The following ZNF536 variants were observed in gnomAD, a reference collection of about 807,000 sequenced individuals.
ZNF536 encodes zinc finger protein 536.
Under a neutral mutation model 84.5 loss-of-function variants are expected in ZNF536, and 13 were observed. The ratio of observed to expected loss-of-function variants is 0.15; its 90% CI spans 0.10 to 0.24. The LOEUF (loss-of-function observed/expected upper bound fraction) is 0.24, where lower values mean the gene tolerates loss of function less well. Among genes scored for constraint, ZNF536 ranks in the 10% least tolerant of loss-of-function variants. The pLI, the probability that ZNF536 is intolerant of heterozygous loss-of-function variation, is 1.00. For synonymous variants in ZNF536, 811 were observed against 742.5 expected (o/e 1.09, Z -1.50); for missense variants, 1,536 against 1,747.5 (o/e 0.88, Z 2.16).
chr19:30,522,940 G>A (rs1051437921), intron 2 of ZNF536, among the ~76,000 whole-genome samples: 11 of 152,128 alleles, frequency 7.2e-5, no homozygotes, highest in Non-Finnish European at 1.3e-4. Flanking sequence ...ACGACCTGCC[G>A]CTTCATCTGT....
intron 2 of ZNF536, among the ~76,000 whole-genome samples, chr19:30,461,651 C>CA (rs770171404): frequency 2.2e-4 from 34 of 152,302 alleles, no homozygotes; most frequent in Non-Finnish European, 4.4e-4. Context: ...TCTGAGGCCC[C>CA]AGGAGCATGG....
At position 30,469,933 on chromosome 19, in the gene ZNF536, A is replaced by G. The variant is rs111558760; in HGVS notation, c.2170+24201A>G. On this transcript the variant is annotated intron_variant, in intron 2 of 4. Transcript: ENST00000355537. ...CATGCTATTCACTGCTAGAAACATA[A>G]TATTTAGCTGACGGCAAGGAAGCCA... is the stretch of plus-strand genomic sequence containing the variant. Among the ~76,000 whole-genome samples, 384 of 152,332 alleles carry G rather than the reference A, an allele frequency of 2.5e-3. 1 individual carries two copies. Among genetic ancestry groups the G allele is most frequent in the African/African-American group, 9.0e-3 (373 of 41,576 alleles).
At position 30,548,374 on chromosome 19, in the gene ZNF536, C is replaced by T. The variant is rs199947192; in HGVS notation, c.2755C>T (p.Gln919Ter). The change falls in exon 4 of 5, where the codon CAA (glutamine) becomes TAA (stop). Residue 919 changes from glutamine to a stop codon, truncating the protein, a stop_gained. Coordinates refer to ENST00000355537, the MANE Select transcript of ZNF536 (RefSeq NM_014717.3). LOFTEE classifies it high-confidence loss of function. ...CGGTGTGAATTTCCAAGGGTCCTTG[C>T]AAGCTTTCATGGACAGTTTTGTCCT... is the stretch of plus-strand genomic sequence containing the variant. ...SNGVNFQGSL[Q>*]AFMDSFVLSS... 1 of 1,614,120 alleles carries T rather than the reference C, an allele frequency of 6.2e-7. No individual in the cohort carries two copies. Among genetic ancestry groups the T allele is most frequent in the Non-Finnish European group, 8.5e-7 (1 of 1,180,010 alleles).
chr19:30,417,250 G>T (rs144621649), intron 1 of ZNF536, among the ~76,000 whole-genome samples: 1 of 149,026 alleles, frequency 6.7e-6, no homozygotes. Context: ...GCCTGCCTTG[G>T]CCTCCCAAAG....
intron 1 of ZNF536, among the ~76,000 whole-genome samples, chr19:30,669,452 G>C (rs111864337): frequency 2.3e-4 from 35 of 152,322 alleles, no homozygotes; most frequent in African/African-American, 8.2e-4. Flanking sequence ...CAGCCTCGGT[G>C]TCCAGCCTGA....
At chr19:30,562,895 G>A (rs1393683615), downstream of ZNF536, among the ~76,000 whole-genome samples, 1 of 152,092 alleles carries the variant, frequency 6.6e-6, no homozygotes, top group Non-Finnish European at 1.5e-5. Flanking sequence ...GGGGTAGTTT[G>A]GAACAGTATG....
At chr19:30,690,189 T>G (rs1248379745) in intron 1 of ZNF536, among the ~76,000 whole-genome samples, 1 of 152,204 alleles carries the variant, frequency 6.6e-6, no homozygotes, top group African/African-American at 2.4e-5. Context: ...TTGTTAGGTA[T>G]CAATGGGGAA....
At chr19:30,390,165 G>A (rs751645507) in intron 1 of ZNF536, among the ~76,000 whole-genome samples, 7 of 152,166 alleles carry the variant, frequency 4.6e-5, no homozygotes, top group Non-Finnish European at 7.4e-5. Context: ...GTTAGCTGCA[G>A]GGGGGTTAAG....
intron 1 of ZNF536, among the ~76,000 whole-genome samples, chr19:30,670,787 G>T (rs1296969509): frequency 6.6e-6 from 1 of 152,172 alleles, no homozygotes; most frequent in Non-Finnish European, 1.5e-5. Flanking sequence ...AGCCATTCCC[G>T]GGTCCATCCC....
chr19:30,233,891 A>C (rs1238062554), intron 1 of ZNF536, among the ~76,000 whole-genome samples: 3 of 152,162 alleles, frequency 2.0e-5, no homozygotes, highest in Non-Finnish European at 4.4e-5. Context: ...GGCCAGATTT[A>C]CAGCAGGACC....
intron 2 of ZNF536, among the ~76,000 whole-genome samples, chr19:30,284,580 C>T (rs990130309): frequency 5.3e-5 from 8 of 152,216 alleles, no homozygotes; most frequent in Non-Finnish European, 7.3e-5. Flanking sequence ...AAAGCTGCTC[C>T]GTGTTTGTCA....
rs369937947 is a variant in ZNF536, at chr19:30,319,800, A to G, written c.-119-32568A>G. 1.8e-3 allele frequency among the ~76,000 whole-genome samples: 273 copies of G among 152,380 alleles called. 4 individuals carry two copies. Among genetic ancestry groups the G allele is most frequent in the South Asian group, 0.017 (81 of 4,826 alleles). Reference sequence around the variant, plus strand: ...GTATATTTGGAACGAGCTAATAAACATTAATCAATATCATCAGCTGTATTT... The same window carrying G: ...GTATATTTGGAACGAGCTAATAAACGTTAATCAATATCATCAGCTGTATTT... On this transcript the variant is annotated intron_variant, in intron 2 of 5. Coordinates refer to the ZNF536 transcript ENST00000585628.
intron 1 of ZNF536, among the ~76,000 whole-genome samples, chr19:30,591,392 A>G (rs1199075466): frequency 6.6e-6 from 1 of 152,198 alleles, no homozygotes; most frequent in Non-Finnish European, 1.5e-5. Context: ...AGGCCTCACA[A>G]TCATGGCAGA....
At chr19:30,578,743 G>T (rs1210126580) in intron 1 of ZNF536, among the ~76,000 whole-genome samples, 1 of 152,206 alleles carries the variant, frequency 6.6e-6, no homozygotes, top group Non-Finnish European at 1.5e-5. Flanking sequence ...ACAACTTGAG[G>T]CCCGACACTG....
At chr19:30,527,429 C>T (rs1157331504) in intron 2 of ZNF536, among the ~76,000 whole-genome samples, 4 of 151,656 alleles carry the variant, frequency 2.6e-5, no homozygotes, top group African/African-American at 4.8e-5. Flanking sequence ...CAATCCCGAC[C>T]CCGTTGGTAA....
chr19:30,444,753 C>T lies in ZNF536; in HGVS notation c.1191C>T (p.Asn397=), dbSNP rs772800112. ...AGAACCACATGAAGGTCCACCTCAA[C>T]AAGCTGTCGGTGAAGAACAAGTCCC... The part of the protein sequence containing the change: ...FLKNHMKVHL[N]KLSVKNKSPS... Residue 397 remains asparagine (N), a synonymous_variant, in exon 2 of 5, where the codon AAC becomes AAT. Transcript: ENST00000355537. 6.2e-7 allele frequency: 1 copy of T among 1,614,016 alleles called. No individual in the cohort carries two copies. The highest frequency in any genetic ancestry group is 1.1e-5 in the South Asian group (1 of 91,090).
At chr19:30,412,523 T>C (rs529382816) in intron 1 of ZNF536, among the ~76,000 whole-genome samples, 161 of 152,178 alleles carry the variant, frequency 1.1e-3, no homozygotes, top group African/African-American at 3.7e-3. Context: ...TGTTCTTTAA[T>C]AAATTATGTG....
intron 1 of ZNF536, among the ~76,000 whole-genome samples, chr19:30,426,676 C>T (rs1039386135): frequency 3.9e-5 from 6 of 152,178 alleles, no homozygotes; most frequent in African/African-American, 1.2e-4. Context: ...GGGAGGCCAA[C>T]AGGGAGACGT....
intron 1 of ZNF536, among the ~76,000 whole-genome samples, chr19:30,276,949 C>G (rs1290178374): frequency 6.6e-6 from 1 of 152,072 alleles, no homozygotes; most frequent in Non-Finnish European, 1.5e-5. Flanking sequence ...GCACAACAAG[C>G]AGGTTACAAT....
Sources: allele counts gnomAD v4.1 joint callset (sites outside exome capture counted in the v4.1 genomes callset), GRCh38; gene constraint gnomAD v4.1.1; transcripts MANE v1.5; gene names NCBI Gene and HGNC (gene_info 2026-07-23, HGNC 2026-07-21).